Variants in SGCD observed in about 807,000 individuals in gnomAD.
SGCD encodes sarcoglycan delta.
In SGCD, 18 loss-of-function variants were observed where a neutral mutation model predicts 36.6. That is an observed-to-expected ratio of 0.49 (90% CI 0.34 to 0.73). The LOEUF (loss-of-function observed/expected upper bound fraction) is 0.73, where lower values mean the gene tolerates loss of function less well. Ranked by LOEUF, SGCD falls within the 30% of genes least tolerant of loss-of-function variation. The pLI, the probability that SGCD is intolerant of heterozygous loss-of-function variation, is 0.01. For synonymous variants in SGCD, 133 were observed against 130.6 expected (o/e 1.02, Z -0.12); for missense variants, 387 against 346.7 (o/e 1.12, Z -0.92).
intron 1 of SGCD, among the ~76,000 whole-genome samples, chr5:155,946,536 G>A (rs1056065202): frequency 6.6e-6 from 1 of 151,896 alleles, no homozygotes; most frequent in African/African-American, 2.4e-5. Flanking sequence ...AAAAATTAAT[G>A]CAAATAGGGT....
intron 3 of SGCD, among the ~76,000 whole-genome samples, chr5:156,472,618 A>G (rs1304036152): frequency 1.3e-5 from 2 of 152,118 alleles, no homozygotes; most frequent in African/African-American, 4.8e-5. Context: ...GGGTTTCACC[A>G]TGTTGACCAG....
chr5:156,662,867 C>T (rs1763987125), intron 7 of SGCD, among the ~76,000 whole-genome samples: 1 of 151,248 alleles, frequency 6.6e-6, no homozygotes, highest in Non-Finnish European at 1.5e-5. Flanking sequence ...AATGTAAAGC[C>T]TCCAGTTTTT....
chr5:156,427,941 G>T (rs1457016647), intron 3 of SGCD, among the ~76,000 whole-genome samples: 1 of 152,124 alleles, frequency 6.6e-6, no homozygotes, highest in Non-Finnish European at 1.5e-5. Context: ...CAGTTAGCTA[G>T]TATTTTGTTA....
intron 3 of SGCD, among the ~76,000 whole-genome samples, chr5:156,149,012 C>G (rs1210373637): frequency 2.0e-5 from 3 of 152,090 alleles, no homozygotes; most frequent in African/African-American, 7.2e-5. Context: ...CATATTCCAG[C>G]CCTTGTACTC....
intron 1 of SGCD, among the ~76,000 whole-genome samples, chr5:155,918,562 CAAA>C (rs1175889019): frequency 6.6e-6 from 1 of 152,096 alleles, no homozygotes; most frequent in Non-Finnish European, 1.5e-5. Context: ...GGCTCCATCT[CAAA>C]AGACATAAAA....
At chr5:156,341,823 T>A (rs775040125) in intron 2 of SGCD, among the ~76,000 whole-genome samples, 20 of 152,246 alleles carry the variant, frequency 1.3e-4, no homozygotes, top group Non-Finnish European at 2.5e-4. Context: ...CAATTCTCCC[T>A]GCCTCAGCCT....
the SGCD span, among the ~76,000 whole-genome samples, chr5:155,819,963 A>G: frequency 2.0e-5 from 3 of 152,216 alleles, no homozygotes; most frequent in Non-Finnish European, 2.9e-5. Flanking sequence ...GTAGAATTAT[A>G]GTTATACTAC....
chr5:156,080,505 T>C (rs1197729802), intron 1 of SGCD, among the ~76,000 whole-genome samples: 1 of 152,250 alleles, frequency 6.6e-6, no homozygotes, highest in Non-Finnish European at 1.5e-5. Context: ...CCTGTTTAAA[T>C]GTAAAGTCTA....
At position 156,759,789 on chromosome 5, in the gene SGCD, G is replaced by T. The variant is rs1185582788; in HGVS notation, c.*399G>T. 6.6e-6 allele frequency: 1 copy of T among 152,090 alleles called. No homozygotes were observed. The highest frequency in any genetic ancestry group is 1.5e-5 in the Non-Finnish European group (1 of 68,026). The allele number at this position is 152,090 out of a possible 1,614,324, so 9.4% of individuals were successfully genotyped here. ...TCTTCATCTAGATATTCGAGTAGCA[G>T]CATATCTTCTCTTTTAGTGTCATTA... On this transcript the variant is annotated 3_prime_UTR_variant, in exon 9 of 9. Coordinates refer to ENST00000337851, the MANE Select transcript of SGCD (RefSeq NM_000337.6).
intron 1 of SGCD, among the ~76,000 whole-genome samples, chr5:156,075,926 G>T (rs1441324450): frequency 1.3e-5 from 2 of 152,086 alleles, no homozygotes; most frequent in Non-Finnish European, 2.9e-5. Flanking sequence ...AGCTGTTTTA[G>T]GCTTTGGGGC....
chr5:156,164,026 A>AC (rs1407340368), intron 3 of SGCD, among the ~76,000 whole-genome samples: 11 of 150,398 alleles, frequency 7.3e-5, no homozygotes, highest in African/African-American at 2.7e-4. Flanking sequence ...CTGTCTCAAA[A>AC]AAAAAAAAAA....
chr5:156,752,945 T>A (rs1757202912), intron 7 of SGCD, among the ~76,000 whole-genome samples: 1 of 152,058 alleles, frequency 6.6e-6, no homozygotes, highest in African/African-American at 2.4e-5. Flanking sequence ...TACTTACAGC[T>A]TTCTCATGGG....
chr5:156,079,180 C>T (rs963166269), intron 1 of SGCD, among the ~76,000 whole-genome samples: 6 of 152,052 alleles, frequency 3.9e-5, no homozygotes, highest in African/African-American at 7.2e-5. Flanking sequence ...AGATGCCACA[C>T]ACCTCTCTAA....
intron 1 of SGCD, among the ~76,000 whole-genome samples, chr5:155,982,763 G>A (rs933165191): frequency 3.3e-5 from 5 of 152,108 alleles, no homozygotes; most frequent in East Asian, 3.9e-4. Context: ...TGAATGACTC[G>A]GTCTGGGCTG....
chr5:156,251,534 G>A (rs931497670), intron 3 of SGCD, among the ~76,000 whole-genome samples: 8 of 102,172 alleles, frequency 7.8e-5, no homozygotes, highest in African/African-American at 2.8e-4. Flanking sequence ...TTTTTTTTTT[G>A]AGATGGATTC....
At chr5:155,733,665 C>G in the SGCD span, among the ~76,000 whole-genome samples, 1 of 151,116 alleles carries the variant, frequency 6.6e-6, no homozygotes. Flanking sequence ...GTGGTCAGAA[C>G]CTACTTTCCT....
chr5:156,094,999 AAAAG>A (rs1288065764), intron 1 of SGCD, among the ~76,000 whole-genome samples: 2 of 152,136 alleles, frequency 1.3e-5, no homozygotes, highest in African/African-American at 4.8e-5. Flanking sequence ...TCTCAAAAAA[AAAAG>A]AAAGAAAGCA....
chr5:156,346,705 T>C (rs1468975467), intron 3 of SGCD, among the ~76,000 whole-genome samples: 1 of 152,240 alleles, frequency 6.6e-6, no homozygotes, highest in Admixed American at 6.5e-5. Flanking sequence ...AAGGTAATAG[T>C]TCTAGAGTAT....
At chr5:156,627,570 A>G (rs545851872) in intron 6 of SGCD, among the ~76,000 whole-genome samples, 3 of 152,160 alleles carry the variant, frequency 2.0e-5, no homozygotes, top group Admixed American at 1.3e-4. Context: ...TGAAAAGCTC[A>G]CTCACCTCTT....
Sources: allele counts gnomAD v4.1 joint callset (sites outside exome capture counted in the v4.1 genomes callset), GRCh38; gene constraint gnomAD v4.1.1; transcripts MANE v1.5; gene names NCBI Gene and HGNC (gene_info 2026-07-23, HGNC 2026-07-21).